The following KCNQ5 variants were observed in gnomAD, a reference collection of about 807,000 sequenced individuals.
KCNQ5 encodes the protein potassium voltage-gated channel subfamily KQT member 5.
In KCNQ5, 30 loss-of-function variants were observed where a neutral mutation model predicts 98.2. That is an observed-to-expected ratio of 0.31 (90% confidence interval 0.23 to 0.41). The LOEUF (loss-of-function observed/expected upper bound fraction) is 0.41. KCNQ5 is among the 10% of genes least tolerant of loss of function. KCNQ5 has a pLI of 1.00. For missense variants in KCNQ5, 835 were observed against 1,182.5 expected, an observed-to-expected ratio of 0.71 and a Z score of 4.31; for synonymous variants, 458 against 449.4, an observed-to-expected ratio of 1.02 and a Z score of -0.24.
At chr6:72,988,461 C>A (rs1490592279) in intron 1 of KCNQ5, among the ~76,000 whole-genome samples, 1 of 151,882 alleles carries the variant, frequency 6.6e-6, no homozygotes, top group East Asian at 1.9e-4. Flanking sequence ...TGTTGAGTAC[C>A]CACGGTCGTA....
chr6:73,187,121 G>A (rs1450890826), intron 11 of KCNQ5, among the ~76,000 whole-genome samples: 6 of 150,424 alleles, frequency 4.0e-5, no homozygotes, highest in South Asian at 4.2e-4. Flanking sequence ...GTGCAGTGGC[G>A]TGACCTTGGC....
intron 1 of KCNQ5, among the ~76,000 whole-genome samples, chr6:72,849,706 C>T (rs2150141076): frequency 6.6e-6 from 1 of 152,242 alleles, no homozygotes; most frequent in East Asian, 1.9e-4. Context: ...TTCCACATAG[C>T]CCTCTATGTT....
At chr6:73,141,683 T>G (rs1299356518) in intron 10 of KCNQ5, among the ~76,000 whole-genome samples, 1 of 152,238 alleles carries the variant, frequency 6.6e-6, no homozygotes, top group Non-Finnish European at 1.5e-5. Flanking sequence ...CTTCGAGTGC[T>G]GCCTTAACCA....
intron 1 of KCNQ5, among the ~76,000 whole-genome samples, chr6:72,699,192 G>A (rs1768671245): frequency 2.0e-5 from 3 of 152,144 alleles, no homozygotes; most frequent in Admixed American, 2.0e-4. Context: ...CTGAAATCAG[G>A]TGGGACCTTC....
At chr6:72,876,958 T>C (rs532241674) in intron 1 of KCNQ5, among the ~76,000 whole-genome samples, 19 of 152,330 alleles carry the variant, frequency 1.2e-4, no homozygotes, top group Admixed American at 1.1e-3. Context: ...CACACTACCA[T>C]CTGCTGCGGT....
chr6:73,059,133 A>C (rs887542597), intron 3 of KCNQ5, among the ~76,000 whole-genome samples: 4 of 152,220 alleles, frequency 2.6e-5, no homozygotes, highest in African/African-American at 9.6e-5. Flanking sequence ...TCTCAGTACT[A>C]TTCACAATAG....
At chr6:73,178,230 C>T (rs1321452594) in intron 11 of KCNQ5, among the ~76,000 whole-genome samples, 1 of 150,650 alleles carries the variant, frequency 6.6e-6, no homozygotes, top group Non-Finnish European at 1.5e-5. Flanking sequence ...AAGACTTCTT[C>T]GGATCTGGAA....
intron 1 of KCNQ5, among the ~76,000 whole-genome samples, chr6:72,850,471 A>T (rs1312194484): frequency 1.3e-5 from 2 of 152,214 alleles, no homozygotes; most frequent in Non-Finnish European, 2.9e-5. Flanking sequence ...ACACAGCAGC[A>T]GCACTCTGTC....
At chr6:72,684,878 G>A (rs780402193) in intron 1 of KCNQ5, among the ~76,000 whole-genome samples, 4 of 152,062 alleles carry the variant, frequency 2.6e-5, no homozygotes, top group African/African-American at 4.8e-5. Flanking sequence ...GTGTGTATGC[G>A]TGTGTGTCTG....
At chr6:73,089,776 T>TAC (rs67894191) in intron 5 of KCNQ5, among the ~76,000 whole-genome samples, 1 of 3,930 alleles carries the variant, frequency 2.5e-4, no homozygotes, top group Admixed American at 5.1e-3. Flanking sequence ...TTCCATCATG[T>TAC]ATATATATAT....
intron 8 of KCNQ5, among the ~76,000 whole-genome samples, chr6:73,121,724 G>A (rs998032914): frequency 4.6e-5 from 7 of 152,178 alleles, no homozygotes; most frequent in African/African-American, 1.2e-4. Context: ...TGGCAGTACC[G>A]TCTTAATGGA....
At position 72,891,785 on chromosome 6, in the gene KCNQ5, T is replaced by A. The variant is rs545966665; in HGVS notation, c.399-112123T>A. Among the ~76,000 whole-genome samples, 275 of 152,312 alleles carry A rather than the reference T, an allele frequency of 1.8e-3. 1 individual carries two copies. Among genetic ancestry groups the A allele is most frequent in the Non-Finnish European group, 3.2e-3 (219 of 68,016 alleles). On this transcript the variant is annotated intron_variant, in intron 1 of 13. Coordinates refer to ENST00000370398, the MANE Select transcript of KCNQ5 (RefSeq NM_019842.4). ...TAAAACAAAAATATAATCGCTATTA[T>A]CAGGCAAGACTATTCTAGAATCCCC... is the stretch of plus-strand genomic sequence containing the variant.
Position 73,198,778 on chromosome 6 carries a change from A to G in KCNQ5, c.*3364A>G, listed in dbSNP as rs1434950168. 6.6e-6 allele frequency: 1 copy of G among 152,230 alleles called. No individual in the cohort carries two copies. Among genetic ancestry groups the G allele is most frequent in the African/African-American group, 2.4e-5 (1 of 41,466 alleles). 9.4% of individuals were successfully genotyped at this position (152,230 alleles called of 1,614,324 possible). On this transcript the variant is annotated 3_prime_UTR_variant, in exon 14 of 14. Coordinates refer to ENST00000370398, the MANE Select transcript of KCNQ5 (RefSeq NM_019842.4). Reference sequence around the variant, plus strand: ...CCATATCCATTTCAAGCTATCATTAAAGTGTAATTTCCTTTGCTCTCTTTT... The same window carrying G: ...CCATATCCATTTCAAGCTATCATTAGAGTGTAATTTCCTTTGCTCTCTTTT...
intron 5 of KCNQ5, among the ~76,000 whole-genome samples, chr6:73,093,190 C>A (rs188639908): frequency 6.6e-6 from 1 of 152,064 alleles, no homozygotes; most frequent in African/African-American, 2.4e-5. Context: ...AGTTTATGTG[C>A]GTAATGGTGT....
At chr6:72,924,564 A>G (rs765672679) in intron 1 of KCNQ5, among the ~76,000 whole-genome samples, 58 of 152,256 alleles carry the variant, frequency 3.8e-4, no homozygotes, top group Admixed American at 1.1e-3. Context: ...GATTAGCTCA[A>G]TGTGCTATTT....
intron 1 of KCNQ5, among the ~76,000 whole-genome samples, chr6:72,871,954 C>T (rs997513604): frequency 1.3e-5 from 2 of 152,118 alleles, no homozygotes; most frequent in Admixed American, 6.5e-5. Flanking sequence ...CTCCCTCTTC[C>T]AGGATAGGAG....
chr6:72,891,250 CAGTAA>C (rs1298361846), intron 1 of KCNQ5, among the ~76,000 whole-genome samples: 2 of 152,134 alleles, frequency 1.3e-5, no homozygotes, highest in Non-Finnish European at 2.9e-5. Flanking sequence ...ATTCAGATTT[CAGTAA>C]AGTAGTTGAC....
chr6:73,186,132 A>C (rs897046286), intron 11 of KCNQ5, among the ~76,000 whole-genome samples: 3 of 151,978 alleles, frequency 2.0e-5, no homozygotes, highest in Non-Finnish European at 2.9e-5. Flanking sequence ...GGAGGCTGAG[A>C]TGGGAGGATT....
chr6:72,831,653 C>T (rs1186824848), intron 1 of KCNQ5, among the ~76,000 whole-genome samples: 7 of 151,088 alleles, frequency 4.6e-5, no homozygotes, highest in African/African-American at 1.7e-4. Flanking sequence ...GGGTGCAGCA[C>T]ACCAACATGG....
Sources: gnomAD v4.1 joint callset for allele counts (sites outside exome capture counted in the v4.1 genomes callset) on GRCh38, gnomAD v4.1.1 for gene constraint, MANE v1.5 for transcripts, NCBI Gene and HGNC (gene_info 2026-07-23, HGNC 2026-07-21) for gene names.